ACSS1: variants seen among roughly 807,000 people sequenced by gnomAD.
ACSS1 encodes the protein acetyl-coenzyme A synthetase 2-like, mitochondrial.
Under a neutral mutation model 75.3 loss-of-function variants are expected in ACSS1, and 42 were observed. The observed-to-expected ratio is 0.56, with a 90% CI of 0.44 to 0.72. ACSS1 has a LOEUF of 0.72. ACSS1 is among the 30% of genes least tolerant of loss of function. The pLI is 0.00. For missense variants in ACSS1, 782 were observed against 935.7 expected, an observed-to-expected ratio of 0.84 and a Z score of 2.14; for synonymous variants, 380 against 376.8, an observed-to-expected ratio of 1.01 and a Z score of -0.10.
intron 5 of ACSS1, 116 bp from the exon 6 acceptor site, chr20:25,021,652 G>C: frequency 3.7e-6 from 5 of 1,351,260 alleles, no homozygotes; most frequent in Non-Finnish European, 5.0e-6. Flanking sequence ...AGAGGCAGCT[G>C]GCTCCTCAAA....
intron 2 of ACSS1, among the ~76,000 whole-genome samples, chr20:25,031,416 T>C (rs1055232750): frequency 1.3e-5 from 2 of 152,208 alleles, no homozygotes; most frequent in African/African-American, 4.8e-5. Flanking sequence ...CAATATTGCA[T>C]AATATATGCT....
Position 25,023,560 on chromosome 20 carries a change from G to T in ACSS1, c.713C>A (p.Ala238Asp). Residue 238 changes from alanine to aspartate, a missense_variant, in exon 4 of 14, where the codon GCT becomes GAT. Transcript: ENST00000323482. ...CTGCACGGTGGGGCAGTGCTTCACA[G>T]CCTCATCCACTATTTTCTTCAGCTC... ...VVELKKIVDE[A>D]VKHCPTVQHV... The T allele has an allele frequency of 6.2e-7, 1 of 1,614,090 alleles. No homozygotes were observed. The highest frequency in any genetic ancestry group is 8.5e-7 in the Non-Finnish European group (1 of 1,180,008).
chr20:25,007,829 G>T lies in ACSS1; in HGVS notation c.2003C>A (p.Pro668His), dbSNP rs2088335703. 1 of 1,614,056 alleles carries T rather than the reference G, an allele frequency of 6.2e-7. No individual in the cohort carries two copies. Among genetic ancestry groups the T allele is most frequent in the South Asian group, 1.1e-5 (1 of 91,088 alleles). The change falls in exon 14 of 14, where the codon CCC (proline) becomes CAC (histidine). Residue 668 changes from proline (P) to histidine (H), a missense_variant. By Grantham distance (77) the Pro-to-His change is moderately conservative (BLOSUM62 -2). This residue lies in a region of ACSS1 where 405 missense variants were observed against 552.6 expected (regional missense o/e 0.73). Transcript: ENST00000323482. ...ACTCAGGATCTCTGCGATGATGCTGGGGTCCTCCAAGGTGGTAGTGTCTCC... is the reference window on the plus strand; with the variant it reads ...ACTCAGGATCTCTGCGATGATGCTGTGGTCCTCCAAGGTGGTAGTGTCTCC... ...ELGDTTTLED[P>H]SIIAEILSVY...
chr20:25,018,311 G>T (rs908614521), intron 7 of ACSS1, among the ~76,000 whole-genome samples: 1 of 152,210 alleles, frequency 6.6e-6, no homozygotes, highest in Non-Finnish European at 1.5e-5. Flanking sequence ...ACACCTTGAT[G>T]TGGACTTCCC....
rs747427571 is a variant in ACSS1 at position 25,007,727 on chromosome 20, G to GC, written c.*34dup. On this transcript the variant is annotated 3_prime_UTR_variant, in exon 14 of 14. Coordinates refer to ENST00000323482, the MANE Select transcript of ACSS1 (RefSeq NM_032501.4). ...GGGAAGGACAAGCCAGGGCTTGGGT[G>GC]CCCGCCCATCCCAAGAGCCCCACAA... 6.8e-6 allele frequency: 11 copies of GC among 1,607,834 alleles called. No individual in the cohort carries two copies. In the East Asian group the frequency reaches 2.2e-4, roughly 33 times the overall value.
At chr20:25,010,025 C>T (rs1455763267) in intron 12 of ACSS1, 1 of 152,606 alleles carries the variant, frequency 6.6e-6, no homozygotes, top group Admixed American at 6.5e-5. Context: ...TTTCAGTACC[C>T]TGGCATGTTC....
intron 13 of ACSS1, among the ~76,000 whole-genome samples, chr20:25,008,184 C>T (rs141087710): frequency 1.1e-3 from 175 of 152,328 alleles, no homozygotes; most frequent in African/African-American, 3.9e-3. Context: ...CCACCCAGGC[C>T]GGGTTCACCC....
chr20:25,038,671 C>CTG (rs972547378), intron 2 of ACSS1, among the ~76,000 whole-genome samples: 2 of 152,188 alleles, frequency 1.3e-5, no homozygotes, highest in African/African-American at 4.8e-5. Flanking sequence ...CACAGCCTGC[C>CTG]TGCTCCATGC....
intron 5 of ACSS1, 134 bp downstream of exon 5, chr20:25,022,806 C>A: frequency 7.8e-7 from 1 of 1,279,492 alleles, no homozygotes; most frequent in South Asian, 1.7e-5. Flanking sequence ...TCGAGGGGGC[C>A]CTGCCCCGAA....
rs780342898 is a variant in ACSS1 at position 25,048,202 on chromosome 20, C to A, written c.335-21G>T. 3.7e-6 allele frequency: 6 copies of A among 1,606,908 alleles called. No homozygotes were observed. The South Asian group carries it at 4.4e-5, about 12-fold the overall frequency. ...GTTGACTGTACAAAAAGAGGGTTTG[C>A]GGATGTTACACTTGGTGCTTTTTGA... On this transcript the variant is annotated intron_variant, in intron 1 of 13. Coordinates refer to ENST00000323482, the MANE Select transcript of ACSS1 (RefSeq NM_032501.4).
chr20:25,012,811 C>A lies in ACSS1; in HGVS notation c.1707+1G>T. ...AAGGAGGAGGCCCAGCCTGTGCTCA[C>A]GATGGCGTCCTCAATCTCTGCGGTC... On this transcript the variant is annotated splice_donor_variant, in intron 11 of 13. Transcript: ENST00000323482. LOFTEE classifies it high-confidence loss of function. The A allele has an allele frequency of 6.2e-7, 1 of 1,614,002 alleles. No homozygotes were observed.
chr20:25,012,754 G>T, intron 11 of ACSS1, 58 bp downstream of exon 11: 1 of 1,613,182 alleles, frequency 6.2e-7, no homozygotes, highest in Admixed American at 1.7e-5. Flanking sequence ...CAACTTGCAG[G>T]TCCACAGGGG....
chr20:25,051,169 C>A (rs139847591), intron 1 of ACSS1, among the ~76,000 whole-genome samples: 1 of 152,202 alleles, frequency 6.6e-6, no homozygotes, highest in African/African-American at 2.4e-5. Flanking sequence ...CAGCCCAAGG[C>A]GCTCACTCTC....
At chr20:25,045,490 C>G (rs1248743376) in intron 2 of ACSS1, among the ~76,000 whole-genome samples, 4 of 152,232 alleles carry the variant, frequency 2.6e-5, no homozygotes, top group Non-Finnish European at 5.9e-5. Flanking sequence ...AACACACAGA[C>G]TTCCTCACAC....
chr20:25,008,057 A>T, intron 13 of ACSS1, 116 bp from the exon 14 acceptor site: 6 of 1,298,824 alleles, frequency 4.6e-6, no homozygotes, highest in Non-Finnish European at 5.2e-6. Context: ...CCGGGGATCC[A>T]CAGTGGATGT....
chr20:25,048,266 A>G (rs2089128731), intron 1 of ACSS1, 85 bp from the exon 2 acceptor site: 1 of 1,162,264 alleles, frequency 8.6e-7, no homozygotes, highest in Non-Finnish European at 1.2e-6. Flanking sequence ...GAGCGGGTCT[A>G]GTTTGCTGTG....
intron 2 of ACSS1, chr20:25,032,628 CCCT>C: frequency 8.1e-7 from 1 of 1,230,468 alleles, no homozygotes; most frequent in Non-Finnish European, 1.0e-6. Flanking sequence ...AGAAAGCAGA[CCCT>C]CCTCGGGCTC....
At chr20:25,044,971 C>T (rs1027191339) in intron 2 of ACSS1, among the ~76,000 whole-genome samples, 3 of 152,222 alleles carry the variant, frequency 2.0e-5, no homozygotes, top group African/African-American at 7.2e-5. Context: ...GGCAAAACCG[C>T]GGCAGGGGAG....
At chr20:25,026,489 T>C (rs942518994) in intron 3 of ACSS1, among the ~76,000 whole-genome samples, 3 of 152,150 alleles carry the variant, frequency 2.0e-5, no homozygotes, top group African/African-American at 7.2e-5. Flanking sequence ...AAGTCAGCCA[T>C]GTGAAGAGGC....
Sources: allele counts gnomAD v4.1 joint callset (sites outside exome capture counted in the v4.1 genomes callset), GRCh38; gene constraint gnomAD v4.1.1; regional missense constraint gnomAD v4.1.1; transcripts MANE v1.5; gene names NCBI Gene and HGNC (gene_info 2026-07-23, HGNC 2026-07-21).